The following ASAP1 variants were observed in gnomAD, a reference collection of about 807,000 sequenced individuals.
ASAP1 encodes arf-GAP with SH3 domain, ANK repeat and PH domain-containing protein 1.
Under a neutral mutation model 145.2 loss-of-function variants are expected in ASAP1, and 43 were observed. The observed-to-expected ratio is 0.30, with a 90% CI of 0.23 to 0.38. ASAP1 has a LOEUF of 0.38. ASAP1 is among the 10% of genes least tolerant of loss of function. The pLI, the probability that ASAP1 is intolerant of heterozygous loss-of-function variation, is 1.00. For missense variants in ASAP1, 1,018 were observed against 1,355.3 expected (o/e 0.75, Z 3.91); for synonymous variants, 546 against 515.5 (o/e 1.06, Z -0.80).
chr8:130,382,376 C>T (rs909032806), intron 2 of ASAP1, among the ~76,000 whole-genome samples: 12 of 151,930 alleles, frequency 7.9e-5, no homozygotes, highest in Admixed American at 6.6e-4. Flanking sequence ...CCACTGTCCC[C>T]GAATCTCCAG....
chr8:130,115,369 A>G (rs2097553559), intron 23 of ASAP1, among the ~76,000 whole-genome samples: 1 of 152,148 alleles, frequency 6.6e-6, no homozygotes, highest in Non-Finnish European at 1.5e-5. Flanking sequence ...TTTGAACTTG[A>G]CAGCTCCTTC....
At chr8:130,426,573 T>G (rs1373654544) in intron 1 of ASAP1, among the ~76,000 whole-genome samples, 1 of 152,188 alleles carries the variant, frequency 6.6e-6, no homozygotes, top group Non-Finnish European at 1.5e-5. Flanking sequence ...CCAACTTTCT[T>G]GTCACTTACT....
At chr8:130,290,256 A>G (rs553583668) in intron 3 of ASAP1, among the ~76,000 whole-genome samples, 367 of 152,316 alleles carry the variant, frequency 2.4e-3, no homozygotes, top group African/African-American at 8.5e-3. Context: ...TAGATGTCAT[A>G]TAACTGTGCT....
chr8:130,405,777 A>T (rs116044599), intron 1 of ASAP1, among the ~76,000 whole-genome samples: 1,582 of 152,302 alleles, frequency 0.01, 22 homozygotes, highest in African/African-American at 0.037. Context: ...TCCGTACCTC[A>T]CCCACGGCAC....
intron 8 of ASAP1, among the ~76,000 whole-genome samples, 197 bp downstream of exon 8, chr8:130,180,554 G>A (rs907995665): frequency 9.2e-5 from 14 of 152,190 alleles, no homozygotes; most frequent in African/African-American, 3.1e-4. Flanking sequence ...ATAGGGCCAA[G>A]GCTCAAAATA....
intron 13 of ASAP1, among the ~76,000 whole-genome samples, chr8:130,144,700 C>T (rs1166014632): frequency 6.6e-6 from 1 of 152,180 alleles, no homozygotes; most frequent in Admixed American, 6.5e-5. Flanking sequence ...CTGTGTGATC[C>T]TTCAGACAGG....
intron 3 of ASAP1, among the ~76,000 whole-genome samples, chr8:130,246,172 C>T (rs1404140897): frequency 6.8e-6 from 1 of 146,144 alleles, no homozygotes; most frequent in African/African-American, 2.4e-5. Flanking sequence ...GCCTACCTCC[C>T]TCCCCTTCGC....
rs1554816346 is a variant in ASAP1 at position 130,072,820 on chromosome 8, T to TGTGTGTGTGTGTGC, written c.2701+3527_2701+3528insGCACACACACACAC. 1.4e-4 allele frequency among the ~76,000 whole-genome samples: 3 copies of TGTGTGTGTGTGTGC among 22,084 alleles called. 1 individual carries two copies. Among genetic ancestry groups the TGTGTGTGTGTGTGC allele is most frequent in the African/African-American group, 4.1e-4 (3 of 7,248 alleles). 14.5% of individuals were successfully genotyped at this position (22,084 alleles called of 152,430 possible). On this transcript the variant is annotated intron_variant, in intron 27 of 29. Coordinates refer to ENST00000518721, the MANE Select transcript of ASAP1 (RefSeq NM_018482.4). ...GTGTGTGTGTGTGTGTGTGTGTGTG[T>TGTGTGTGTGTGTGC]GTGTGCGCGCGGGGGGGGGCAGTTT...
rs1490591671 is a variant in ASAP1 at position 130,153,352 on chromosome 8, TA to T, written c.1011-548del. Reference sequence around the variant, plus strand: ...TTTTAAATATATATATATATATATATATATATGTATATATATATATATATAT... The same window carrying T: ...TTTTAAATATATATATATATATATATTATATGTATATATATATATATATAT... On this transcript the variant is annotated intron_variant, in intron 12 of 29. Transcript: ENST00000518721. Among the ~76,000 whole-genome samples, 12 of 47,996 alleles carry T rather than the reference TA, an allele frequency of 2.5e-4. 1 individual carries two copies. In the East Asian group the frequency reaches 0.016, roughly 64 times the overall value. 31.5% of individuals were successfully genotyped at this position (47,996 alleles called of 152,430 possible).
At position 130,236,911 on chromosome 8, in the gene ASAP1, TA is replaced by T; in HGVS notation, c.259+10del. On this transcript the variant is annotated intron_variant, in intron 4 of 29. Transcript: ENST00000518721. ...ATAATTCATGTTACCTCATTTTTAG[TA>T]AGTGCTTACCTTGACCAGAATTATA... 1 of 1,532,404 alleles carries T rather than the reference TA, an allele frequency of 6.5e-7. No individual in the cohort carries two copies. The allele number at this position is 1,532,404 out of a possible 1,614,324, so 94.9% of individuals were successfully genotyped here.
At position 130,166,413 on chromosome 8, in the gene ASAP1, T is replaced by C. The variant is rs142326412; in HGVS notation, c.909+1123A>G. On this transcript the variant is annotated intron_variant, in intron 11 of 29. Coordinates refer to ENST00000518721, the MANE Select transcript of ASAP1 (RefSeq NM_018482.4). ...TCCTTATCATGAAGTCTACGTCCCT[T>C]AGTACAACACCCAAGGTCCTCCGTA... Among the ~76,000 whole-genome samples the C allele has an allele frequency of 3.9e-3, 589 of 152,276 alleles. 1 individual carries two copies. Among genetic ancestry groups the C allele is most frequent in the Middle Eastern group, 0.014 (4 of 294 alleles).
intron 26 of ASAP1, among the ~76,000 whole-genome samples, chr8:130,078,080 C>G (rs2097468276): frequency 6.6e-6 from 1 of 151,678 alleles, no homozygotes; most frequent in South Asian, 2.1e-4. Context: ...ACCTCCACTT[C>G]CCAGGTTCAA....
intron 18 of ASAP1, 69 bp downstream of exon 18, chr8:130,123,944 G>GT (rs2097570744): frequency 8.3e-7 from 1 of 1,208,480 alleles, no homozygotes; most frequent in Non-Finnish European, 1.2e-6. Flanking sequence ...AAAAAAAGAA[G>GT]TTTTTTGGAA....
chr8:130,313,652 T>C (rs1823492129), intron 3 of ASAP1, among the ~76,000 whole-genome samples: 1 of 152,146 alleles, frequency 6.6e-6, no homozygotes, highest in South Asian at 2.1e-4. Context: ...ACGTTTCAGC[T>C]ACAGAAAATA....
chr8:130,373,633 G>C (rs912598558), intron 2 of ASAP1, among the ~76,000 whole-genome samples: 4 of 152,042 alleles, frequency 2.6e-5, no homozygotes, highest in South Asian at 2.1e-4. Flanking sequence ...TGGATCACCT[G>C]AGTTTGGGAG....
chr8:130,080,046 G>T (rs1025789688), intron 25 of ASAP1, 75 bp from the exon 26 acceptor site: 11 of 1,341,058 alleles, frequency 8.2e-6, no homozygotes, highest in Non-Finnish European at 9.6e-6. Context: ...GGTTTGGCCT[G>T]TAGACAGGCA....
At chr8:130,121,673 A>T (rs1231067995) in intron 18 of ASAP1, among the ~76,000 whole-genome samples, 2 of 147,636 alleles carry the variant, frequency 1.4e-5, no homozygotes, top group East Asian at 4.3e-4. Context: ...AATCCCAGCT[A>T]TTCGGGAGGC....
rs1814597517 is a variant in ASAP1 at position 130,184,683 on chromosome 8, AG to A, written c.530+2552del. 2.0e-5 allele frequency among the ~76,000 whole-genome samples: 3 copies of A among 152,354 alleles called. No individual in the cohort carries two copies. The South Asian group carries it at 6.2e-4, about 32-fold the overall frequency. On this transcript the variant is annotated intron_variant, in intron 7 of 29. Transcript: ENST00000518721. ...TGGGGTTTCCATTACATGCTGACAGAGTAAGTCTTAACTAGTAAAAGCACTA... is the reference window on the plus strand; with the variant it reads ...TGGGGTTTCCATTACATGCTGACAGATAAGTCTTAACTAGTAAAAGCACTA...
intron 2 of ASAP1, among the ~76,000 whole-genome samples, chr8:130,386,000 T>C (rs1827997557): frequency 6.6e-6 from 1 of 152,206 alleles, no homozygotes; most frequent in South Asian, 2.1e-4. Flanking sequence ...CAGTGACTGG[T>C]ACAGGGCTGA....
Sources: allele counts gnomAD v4.1 joint callset (sites outside exome capture counted in the v4.1 genomes callset), GRCh38; gene constraint gnomAD v4.1.1; transcripts MANE v1.5; gene names NCBI Gene and HGNC (gene_info 2026-07-23, HGNC 2026-07-21).